The following KLF12 variants were observed in gnomAD, a reference collection of about 807,000 sequenced individuals.
KLF12 encodes Krueppel-like factor 12.
A neutral mutation model predicts 37.8 loss-of-function variants in KLF12; 9 were observed. The ratio of observed to expected loss-of-function variants is 0.24; its 90% CI spans 0.14 to 0.42. The LOEUF is 0.42. Ranked by LOEUF, KLF12 falls within the 10% of genes least tolerant of loss-of-function variation. The pLI, the probability that KLF12 is intolerant of heterozygous loss-of-function variation, is 1.00. For synonymous variants in KLF12, 208 were observed against 202.1 expected (o/e 1.03, Z -0.25); for missense variants, 411 against 516.0 (o/e 0.80, Z 1.97).
intron 1 of KLF12, among the ~76,000 whole-genome samples, chr13:74,076,829 T>C (rs752659503): frequency 1.6e-4 from 25 of 152,232 alleles, no homozygotes; most frequent in Non-Finnish European, 2.9e-4. Context: ...CCAGTGTCTG[T>C]TGTTCCCTTC....
At chr13:73,885,368 T>G (rs774788425) in intron 3 of KLF12, among the ~76,000 whole-genome samples, 1 of 152,224 alleles carries the variant, frequency 6.6e-6, no homozygotes, top group Non-Finnish European at 1.5e-5. Flanking sequence ...AACTTTTAAT[T>G]AAACTTCCAA....
chr13:74,215,788 T>G, the KLF12 span, among the ~76,000 whole-genome samples: 1 of 152,248 alleles, frequency 6.6e-6, no homozygotes, highest in South Asian at 2.1e-4. Context: ...GCTAGTGTTC[T>G]TGGAATTGAG....
intron 1 of KLF12, among the ~76,000 whole-genome samples, chr13:74,125,797 TATA>T (rs1251595921): frequency 6.6e-6 from 1 of 152,180 alleles, no homozygotes; most frequent in African/African-American, 2.4e-5. Context: ...CTACAACAAA[TATA>T]ATAATACAGC....
At chr13:73,995,435 T>A (rs1892085163) in intron 1 of KLF12, among the ~76,000 whole-genome samples, 1 of 152,024 alleles carries the variant, frequency 6.6e-6, no homozygotes. Flanking sequence ...AAAAGAGAAG[T>A]CCCAAATACT....
intron 2 of KLF12, among the ~76,000 whole-genome samples, chr13:73,981,724 G>T (rs946966947): frequency 6.6e-6 from 1 of 152,058 alleles, no homozygotes; most frequent in African/African-American, 2.4e-5. Flanking sequence ...AATAAGAGGC[G>T]GTGCCTTTTA....
chr13:73,697,439 C>CTGAT (rs1184735950), intron 7 of KLF12, among the ~76,000 whole-genome samples: 1 of 152,098 alleles, frequency 6.6e-6, no homozygotes, highest in East Asian at 1.9e-4. Context: ...CTGTGGTTGT[C>CTGAT]CCATGGAGAC....
chr13:73,789,743 C>A (rs1239523774), intron 5 of KLF12, among the ~76,000 whole-genome samples: 1 of 150,906 alleles, frequency 6.6e-6, no homozygotes, highest in East Asian at 2.0e-4. Flanking sequence ...GTGGTGCCAT[C>A]TCCGCTCACT....
chr13:74,077,316 C>T (rs988085852), intron 1 of KLF12, among the ~76,000 whole-genome samples: 1 of 152,134 alleles, frequency 6.6e-6, no homozygotes, highest in Non-Finnish European at 1.5e-5. Context: ...GAGTACTCCA[C>T]AAAATATTAA....
At position 73,764,994 on chromosome 13, in the gene KLF12, A is replaced by T; in HGVS notation, c.813T>A (p.His271Gln). 6.4e-7 allele frequency: 1 copy of T among 1,564,192 alleles called. No individual in the cohort carries two copies. The highest frequency in any genetic ancestry group is 8.8e-7 in the Non-Finnish European group (1 of 1,137,812). Residue 271 changes from histidine (H) to glutamine (Q), a missense_variant, in exon 6 of 8, where the codon CAT (histidine) becomes CAA (glutamine). Physicochemically the swap from His to Gln is conservative, Grantham distance 24. Coordinates refer to ENST00000377669, the MANE Select transcript of KLF12 (RefSeq NM_007249.5). ...CCCGGACCCTTGATACTGGGGACGGATGTACCCTGTAGACAGAGAAGAATA... is the reference window on the plus strand; with the variant it reads ...CCCGGACCCTTGATACTGGGGACGGTTGTACCCTGTAGACAGAGAAGAATA...
intron 6 of KLF12, among the ~76,000 whole-genome samples, chr13:73,734,758 A>G (rs937237196): frequency 6.6e-6 from 1 of 152,138 alleles, no homozygotes; most frequent in African/African-American, 2.4e-5. Context: ...GTTAATATAC[A>G]TTATGTCTGA....
rs755363704 is a variant in KLF12 at position 73,765,007 on chromosome 13, A to G, written c.807-7T>C. Reference sequence around the variant, plus strand: ...TACTGGGGACGGATGTACCCTGTAGACAGAGAAGAATAATCCAGTCATTGA... The same window carrying G: ...TACTGGGGACGGATGTACCCTGTAGGCAGAGAAGAATAATCCAGTCATTGA... On this transcript the variant is annotated splice_region_variant and splice_polypyrimidine_tract_variant and intron_variant, in intron 5 of 7. Coordinates refer to ENST00000377669, the MANE Select transcript of KLF12 (RefSeq NM_007249.5). 3.0e-5 allele frequency: 45 copies of G among 1,511,582 alleles called. No individual in the cohort carries two copies. The highest frequency in any genetic ancestry group is 5.5e-5 in the African/African-American group (4 of 72,252). The allele number at this position is 1,511,582 out of a possible 1,614,324, so 93.6% of individuals were successfully genotyped here. A position where few individuals can be genotyped will look rare whatever the true frequency, so the allele number is the denominator to read the frequency against.
At chr13:74,128,283 C>A (rs993359173) in intron 1 of KLF12, among the ~76,000 whole-genome samples, 2 of 152,178 alleles carry the variant, frequency 1.3e-5, no homozygotes, top group Non-Finnish European at 2.9e-5. Context: ...TACCCACACT[C>A]GGAAATTCCT....
chr13:73,715,638 A>G (rs1271736393), intron 6 of KLF12, 113 bp from the exon 7 acceptor site: 5 of 1,027,770 alleles, frequency 4.9e-6, no homozygotes, highest in African/African-American at 4.8e-5. Context: ...CAAGGCCACC[A>G]TGACCACAGT....
chr13:74,247,351 T>C, the KLF12 span, among the ~76,000 whole-genome samples: 3 of 152,238 alleles, frequency 2.0e-5, no homozygotes, highest in Admixed American at 2.0e-4. Flanking sequence ...TAATAATAAC[T>C]CTTTGAAAAA....
intron 6 of KLF12, among the ~76,000 whole-genome samples, chr13:73,764,106 A>G (rs1458869817): frequency 6.6e-6 from 1 of 152,220 alleles, no homozygotes; most frequent in Non-Finnish European, 1.5e-5. Flanking sequence ...AAAAAAAGGC[A>G]TAGTTTTAAT....
chr13:74,098,243 G>A (rs1046417120), intron 1 of KLF12, among the ~76,000 whole-genome samples: 2 of 152,192 alleles, frequency 1.3e-5, no homozygotes, highest in African/African-American at 4.8e-5. Context: ...ATTGAGGTGA[G>A]AACATTGCAT....
At chr13:74,007,511 G>A (rs962790820) in intron 1 of KLF12, among the ~76,000 whole-genome samples, 19 of 151,954 alleles carry the variant, frequency 1.3e-4, no homozygotes, top group Non-Finnish European at 2.2e-4. Flanking sequence ...TCCTGACCTC[G>A]TGATCCGCCC....
chr13:74,200,954 A>G, the KLF12 span, among the ~76,000 whole-genome samples: 1 of 152,178 alleles, frequency 6.6e-6, no homozygotes, highest in Non-Finnish European at 1.5e-5. Flanking sequence ...CTATGGCACT[A>G]GAAATGTCAC....
chr13:73,917,128 T>G (rs9318225), intron 3 of KLF12, among the ~76,000 whole-genome samples: 2 of 152,012 alleles, frequency 1.3e-5, no homozygotes, highest in African/African-American at 4.8e-5. Context: ...ATGGATTATA[T>G]ACCAAGTGTC....
Sources: allele counts gnomAD v4.1 joint callset (sites outside exome capture counted in the v4.1 genomes callset), GRCh38; gene constraint gnomAD v4.1.1; transcripts MANE v1.5; gene names NCBI Gene and HGNC (gene_info 2026-07-23, HGNC 2026-07-21).